The following GTF2E2 variants were observed in gnomAD, a reference collection of about 807,000 sequenced individuals.
GTF2E2 encodes the protein general transcription factor IIE subunit 2, also known as transcription initiation factor IIE subunit beta.
In GTF2E2, 21 loss-of-function variants were observed where a neutral mutation model predicts 40.5. That is an observed-to-expected ratio of 0.52 (90% confidence interval 0.37 to 0.75). The LOEUF (loss-of-function observed/expected upper bound fraction) is 0.75. GTF2E2 is among the 30% of genes least tolerant of loss of function. The pLI is 0.00. For missense variants in GTF2E2, 298 were observed against 338.4 expected (o/e 0.88, Z 0.94); for synonymous variants, 117 against 121.6 (o/e 0.96, Z 0.25).
At chr8:30,627,406 C>G (rs1801311719) in intron 3 of GTF2E2, among the ~76,000 whole-genome samples, 1 of 149,948 alleles carries the variant, frequency 6.7e-6, no homozygotes, top group African/African-American at 2.5e-5. Flanking sequence ...CAGTGATGTT[C>G]CCCATTAGTG....
rs137857177 is a variant in GTF2E2 at position 30,589,857 on chromosome 8, G to T, written c.644-9461C>A. ...AAACACCAGACACCAAAACAAGAAGGGGAGAAGCCGTGGGGTAACTCTTTA... is the reference window on the plus strand; with the variant it reads ...AAACACCAGACACCAAAACAAGAAGTGGAGAAGCCGTGGGGTAACTCTTTA... On this transcript the variant is annotated intron_variant, in intron 6 of 7. Transcript: ENST00000355904. 7.3e-4 allele frequency among the ~76,000 whole-genome samples: 111 copies of T among 152,272 alleles called. No individual in the cohort carries two copies. The East Asian group carries it at 0.02, about 27-fold the overall frequency.
intron 6 of GTF2E2, among the ~76,000 whole-genome samples, chr8:30,590,798 C>T (rs952412033): frequency 2.0e-5 from 3 of 152,032 alleles, no homozygotes; most frequent in African/African-American, 7.2e-5. Context: ...TCAAGTGATC[C>T]TCCTGCCTCA....
chr8:30,593,692 C>T lies in GTF2E2; in HGVS notation c.644-13296G>A, dbSNP rs116890736. Among the ~76,000 whole-genome samples the T allele has an allele frequency of 2.0e-3, 303 of 152,144 alleles. 1 individual carries two copies. Among genetic ancestry groups the T allele is most frequent in the Non-Finnish European group, 3.1e-3 (214 of 67,992 alleles). ...TTTATTTTTTGTAGAGACGAGGTTT[C>T]GCCACGTTGCCCAGGCTGGCCTCAA... On this transcript the variant is annotated intron_variant, in intron 6 of 7. Coordinates refer to ENST00000355904, the MANE Select transcript of GTF2E2 (RefSeq NM_002095.6).
At chr8:30,606,325 G>T (rs1010894154) in intron 6 of GTF2E2, among the ~76,000 whole-genome samples, 1 of 152,136 alleles carries the variant, frequency 6.6e-6, no homozygotes, top group African/African-American at 2.4e-5. Flanking sequence ...TCTATAGACA[G>T]ATAACAAAAG....
At chr8:30,601,015 C>T (rs1416764712) in intron 6 of GTF2E2, among the ~76,000 whole-genome samples, 1 of 152,186 alleles carries the variant, frequency 6.6e-6, no homozygotes, top group Non-Finnish European at 1.5e-5. Flanking sequence ...AATGGGTCTT[C>T]CCTGGAAACA....
At chr8:30,640,724 G>T (rs1002266630) in intron 2 of GTF2E2, among the ~76,000 whole-genome samples, 1 of 152,014 alleles carries the variant, frequency 6.6e-6, no homozygotes, top group Non-Finnish European at 1.5e-5. Flanking sequence ...TTTGGCGGGG[G>T]GACGGAGTCT....
At chr8:30,624,439 G>C (rs1801208410) in intron 3 of GTF2E2, among the ~76,000 whole-genome samples, 1 of 152,112 alleles carries the variant, frequency 6.6e-6, no homozygotes, top group South Asian at 2.1e-4. Context: ...TTGAAGTCAG[G>C]TAGCATGATG....
rs532459650 is a variant in GTF2E2, at chr8:30,605,445, A to C, written c.643+1612T>G. Among the ~76,000 whole-genome samples, 651 of 152,300 alleles carry C rather than the reference A, an allele frequency of 4.3e-3. 9 individuals are homozygous for C. The highest frequency in any genetic ancestry group is 0.015 in the African/African-American group (622 of 41,550). On this transcript the variant is annotated intron_variant, in intron 6 of 7. Transcript: ENST00000355904. ...GAATCCAAAATAAAACTAGTTAAGC[A>C]GCTGCCACAAAAGAAAGGGACTGCA...
intron 2 of GTF2E2, among the ~76,000 whole-genome samples, chr8:30,647,316 C>T (rs1802127958): frequency 1.3e-5 from 2 of 152,154 alleles, no homozygotes; most frequent in South Asian, 4.1e-4. Flanking sequence ...CGCGGTGGCT[C>T]ACGCCTGCAA....
chr8:30,582,014 A>T (rs1042732031), intron 6 of GTF2E2, among the ~76,000 whole-genome samples: 6 of 152,014 alleles, frequency 3.9e-5, no homozygotes, highest in African/African-American at 1.5e-4. Flanking sequence ...TCTTTTTTTA[A>T]AATTTATTTA....
chr8:30,601,656 A>G (rs1041123841), intron 6 of GTF2E2, among the ~76,000 whole-genome samples: 2 of 152,248 alleles, frequency 1.3e-5, no homozygotes. Flanking sequence ...ATACCAGTTT[A>G]TAACAATAAG....
At chr8:30,603,659 TAAAC>T (rs1183444304) in intron 6 of GTF2E2, among the ~76,000 whole-genome samples, 1 of 151,780 alleles carries the variant, frequency 6.6e-6, no homozygotes, top group Non-Finnish European at 1.5e-5. Flanking sequence ...ACAGGAAAAA[TAAAC>T]AAAAACATAA....
In GTF2E2 at chr8:30,580,362, A is replaced by G. The variant is rs961625552; in HGVS notation, c.678T>C (p.Asp226=). The change falls in exon 7 of 8, where the codon GAT becomes GAC. Residue 226 remains aspartate (D), a synonymous_variant. Transcript: ENST00000355904. ...FQKLWRSVTV[D]SMDEEKIEEY... is the part of the protein sequence containing the mutation. Reference sequence around the variant, plus strand: ...CTTCAATTTTCTCCTCGTCCATGGAATCTACAGTGACACTCCTCCACAGTT... The same window carrying G: ...CTTCAATTTTCTCCTCGTCCATGGAGTCTACAGTGACACTCCTCCACAGTT... The G allele has an allele frequency of 5.0e-6, 8 of 1,600,904 alleles. No homozygotes were observed.
chr8:30,594,281 A>G (rs1282255752), intron 6 of GTF2E2, among the ~76,000 whole-genome samples: 1 of 138,574 alleles, frequency 7.2e-6, no homozygotes, highest in Non-Finnish European at 1.6e-5. Context: ...TTTTTTAGAC[A>G]GAGTCTCCCT....
At chr8:30,636,983 T>G (rs1801622959) in intron 2 of GTF2E2, 1 of 439,612 alleles carries the variant, frequency 2.3e-6, no homozygotes, top group Non-Finnish European at 4.5e-6. Flanking sequence ...TAACCAATAT[T>G]TATTATCTGC....
At position 30,617,773 on chromosome 8, in the gene GTF2E2, T is replaced by C. The variant is rs548768551; in HGVS notation, c.259-3058A>G. The stretch of plus-strand genomic sequence containing the variant: ...TCTCAAAAAAAAAAAAAAAGCTAGG[T>C]AAACAACTATCTGTCAGGAAGGCAT... On this transcript the variant is annotated intron_variant, in intron 3 of 7. Transcript: ENST00000355904. Among the ~76,000 whole-genome samples the C allele has an allele frequency of 1.4e-3, 195 of 144,102 alleles. 1 individual carries two copies. The highest frequency in any genetic ancestry group is 4.8e-3 in the African/African-American group (188 of 39,216). The allele number at this position is 144,102 out of a possible 152,430, so 94.5% of individuals were successfully genotyped here.
chr8:30,619,651 T>G (rs1218802250), intron 3 of GTF2E2, among the ~76,000 whole-genome samples: 3 of 152,048 alleles, frequency 2.0e-5, no homozygotes, highest in African/African-American at 7.3e-5. Context: ...CCTCCTATAG[T>G]GCTGGGATTA....
intron 1 of GTF2E2, among the ~76,000 whole-genome samples, chr8:30,654,382 A>G (rs2128731475): frequency 6.6e-6 from 1 of 152,272 alleles, no homozygotes; most frequent in African/African-American, 2.4e-5. Context: ...TAATTTCACC[A>G]ATTTTTCTTT....
At chr8:30,654,479 T>C (rs1009697468) in intron 1 of GTF2E2, among the ~76,000 whole-genome samples, 1 of 152,074 alleles carries the variant, frequency 6.6e-6, no homozygotes, top group Middle Eastern at 3.2e-3. Flanking sequence ...CATAGCTCAA[T>C]GTAGCCTTGA....
Sources: gnomAD v4.1 joint callset for allele counts (sites outside exome capture counted in the v4.1 genomes callset) on GRCh38, gnomAD v4.1.1 for gene constraint, MANE v1.5 for transcripts, NCBI Gene and HGNC (gene_info 2026-07-23, HGNC 2026-07-21) for gene names.